The following KCMF1 variants were observed in gnomAD, a reference collection of about 807,000 sequenced individuals.
KCMF1 encodes potassium channel modulatory factor 1.
A neutral mutation model predicts 41.1 loss-of-function variants in KCMF1; 3 were observed. That is an observed-to-expected ratio of 0.07 (90% CI 0.03 to 0.19). The LOEUF (loss-of-function observed/expected upper bound fraction) is 0.19. Ranked by LOEUF, KCMF1 falls within the 10% of genes least tolerant of loss-of-function variation. The pLI, the probability that KCMF1 is intolerant of heterozygous loss-of-function variation, is 1.00. For synonymous variants in KCMF1, 142 were observed against 164.5 expected, an observed-to-expected ratio of 0.86 and a Z score of 1.04; for missense variants, 286 against 488.9, an observed-to-expected ratio of 0.58 and a Z score of 3.91.
intron 1 of KCMF1, among the ~76,000 whole-genome samples, chr2:85,004,727 C>A (rs115590885): frequency 0.019 from 2,933 of 152,176 alleles, 45 homozygotes; most frequent in Non-Finnish European, 0.03. Flanking sequence ...CTTTATATTA[C>A]CGGTCATGCC....
At chr2:85,013,128 G>T (rs1390109923) in intron 1 of KCMF1, among the ~76,000 whole-genome samples, 1 of 152,064 alleles carries the variant, frequency 6.6e-6, no homozygotes, top group Non-Finnish European at 1.5e-5. Flanking sequence ...TGTTTCTGTA[G>T]GTCTCTATCC....
chr2:84,981,694 ACT>A (rs1036224961), intron 1 of KCMF1, among the ~76,000 whole-genome samples: 2 of 151,368 alleles, frequency 1.3e-5, no homozygotes, highest in African/African-American at 2.4e-5. Flanking sequence ...TTCCTTTGAG[ACT>A]CTGTCATCCT....
rs34687477 is a variant in KCMF1 at position 84,982,389 on chromosome 2, C to CTTTTTTTTTTTTTTTT, written c.16+10940_16+10955dup. On this transcript the variant is annotated intron_variant, in intron 1 of 6. Coordinates refer to ENST00000409785, the MANE Select transcript of KCMF1 (RefSeq NM_020122.5). Reference sequence around the variant, plus strand: ...GAGTTACAGATGTGTTCCTTATTTTCTTTTTTTTTTTTTTTTTTTTTTTTT... The same window carrying CTTTTTTTTTTTTTTTT: ...GAGTTACAGATGTGTTCCTTATTTTCTTTTTTTTTTTTTTTTTTTTTTTTTTTTTTTTTTTTTTTTT... Among the ~76,000 whole-genome samples the CTTTTTTTTTTTTTTTT allele has an allele frequency of 5.5e-4, 26 of 47,266 alleles. 5 individuals are homozygous for CTTTTTTTTTTTTTTTT. Among genetic ancestry groups the CTTTTTTTTTTTTTTTT allele is most frequent in the African/African-American group, 2.0e-3 (22 of 11,240 alleles). The allele number at this position is 47,266 out of a possible 152,430, so 31.0% of individuals were successfully genotyped here.
intron 6 of KCMF1, among the ~76,000 whole-genome samples, chr2:85,050,563 T>C (rs935028560): frequency 6.6e-6 from 1 of 152,216 alleles, no homozygotes; most frequent in Non-Finnish European, 1.5e-5. Context: ...AGGCATTTTA[T>C]GTGACTTTTA....
chr2:84,996,884 A>G (rs1349550862), intron 1 of KCMF1, among the ~76,000 whole-genome samples: 1 of 152,222 alleles, frequency 6.6e-6, no homozygotes, highest in Non-Finnish European at 1.5e-5. Flanking sequence ...TGAACATCAT[A>G]GAGTGTACTT....
chr2:85,025,359 A>G (rs1675072299), intron 1 of KCMF1, among the ~76,000 whole-genome samples: 1 of 152,186 alleles, frequency 6.6e-6, no homozygotes, highest in South Asian at 2.1e-4. Flanking sequence ...TTTTTATTGC[A>G]GTAAAATATA....
rs869089697 is a variant in KCMF1, at chr2:84,996,430, AT to A, written c.16+24985del. Among the ~76,000 whole-genome samples, 912 of 124,048 alleles carry A rather than the reference AT, an allele frequency of 7.4e-3. 5 individuals carry two copies. The highest frequency in any genetic ancestry group is 0.021 in the African/African-American group (641 of 30,280). 81.4% of individuals were successfully genotyped at this position (124,048 alleles called of 152,430 possible). A position where few individuals can be genotyped will look rare whatever the true frequency, so the allele number is the denominator to read the frequency against. On this transcript the variant is annotated intron_variant, in intron 1 of 6. Transcript: ENST00000409785. ...ATACTTTATACCTAAATAACCTAAG[AT>A]TTTTTTTTTTTTTTTTTTTTTGAGA...
At chr2:84,983,779 G>A (rs1559125650) in intron 1 of KCMF1, among the ~76,000 whole-genome samples, 1 of 152,034 alleles carries the variant, frequency 6.6e-6, no homozygotes, top group Non-Finnish European at 1.5e-5. Context: ...CCAAAGTGTT[G>A]GGATTACAGG....
rs761926409 is a variant in KCMF1, at chr2:85,028,002, A to G, written c.130A>G (p.Thr44Ala). ...TTGTTATGAAAGTGGTGCAACAACA[A>G]CAAGGCATACAACTGACCACCCAAT... The part of the protein sequence containing the change: ...ASCYESGATT[T>A]RHTTDHPMQC... Residue 44 changes from threonine (T) to alanine (A), a missense_variant, in exon 2 of 7, where the codon ACA (threonine) becomes GCA (alanine). By Grantham distance (58) the Thr-to-Ala change is moderately conservative (BLOSUM62 0). This residue lies in a region of KCMF1 where 95 missense variants were observed against 209.6 expected (regional missense o/e 0.45). Coordinates refer to ENST00000409785, the MANE Select transcript of KCMF1 (RefSeq NM_020122.5). 6.2e-7 allele frequency: 1 copy of G among 1,613,016 alleles called. No individual in the cohort carries two copies. The highest frequency in any genetic ancestry group is 8.5e-7 in the Non-Finnish European group (1 of 1,179,112).
intron 5 of KCMF1, among the ~76,000 whole-genome samples, chr2:85,049,075 G>T (rs1371594061): frequency 2.0e-5 from 3 of 152,164 alleles, no homozygotes; most frequent in Non-Finnish European, 1.5e-5. Context: ...AATACTAAGA[G>T]AAAGCTTCAC....
rs74903468 is a variant in KCMF1 at position 85,057,455 on chromosome 2, G to A, written c.*4046G>A. On this transcript the variant is annotated 3_prime_UTR_variant, in exon 7 of 7. Coordinates refer to ENST00000409785, the MANE Select transcript of KCMF1 (RefSeq NM_020122.5). ...GGAGTGGGTAGAGGTTAGGGTTAGA[G>A]TGCAGGATGGAGCAGCAGTCTGCAG... is the stretch of plus-strand genomic sequence containing the variant. 0.016 allele frequency: 2,373 copies of A among 152,364 alleles called. 29 individuals are homozygous for A. The highest frequency in any genetic ancestry group is 0.064 in the South Asian group (311 of 4,826). 9.4% of individuals were successfully genotyped at this position (152,364 alleles called of 1,614,324 possible). A position where few individuals can be genotyped will look rare whatever the true frequency, so the allele number is the denominator to read the frequency against.
At chr2:84,993,003 G>C (rs971522196) in intron 1 of KCMF1, among the ~76,000 whole-genome samples, 18 of 152,030 alleles carry the variant, frequency 1.2e-4, no homozygotes, top group African/African-American at 4.3e-4. Context: ...AGACTAGCCT[G>C]AACAACTGAC....
rs1330273960 is a variant in KCMF1 at position 84,971,163 on chromosome 2, G to A, written c.-289G>A. On this transcript the variant is annotated 5_prime_UTR_variant, in exon 1 of 7. Coordinates refer to ENST00000409785, the MANE Select transcript of KCMF1 (RefSeq NM_020122.5). ...CCGCGCCGCTGCCGGGAGCCGGCAG[G>A]CCCGAGAGTGACCGGAGTCACGGCG... 1 of 146,244 alleles carries A rather than the reference G, an allele frequency of 6.8e-6. No homozygotes were observed. Among genetic ancestry groups the A allele is most frequent in the South Asian group, 1.8e-4 (1 of 5,534 alleles). 9.1% of individuals were successfully genotyped at this position (146,244 alleles called of 1,614,324 possible). A position where few individuals can be genotyped will look rare whatever the true frequency, so the allele number is the denominator to read the frequency against.
At chr2:84,988,095 G>A (rs981338705) in intron 1 of KCMF1, among the ~76,000 whole-genome samples, 10 of 152,140 alleles carry the variant, frequency 6.6e-5, no homozygotes, top group African/African-American at 2.4e-4. Flanking sequence ...AGGCGGGTGT[G>A]ATGGCGCATG....
Position 85,028,047 on chromosome 2 carries a change from G to A in KCMF1, c.175G>A (p.Val59Ile). 2 of 1,567,398 alleles carry A rather than the reference G, an allele frequency of 1.3e-6. No homozygotes were observed. Among genetic ancestry groups the A allele is most frequent in the Non-Finnish European group, 1.7e-6 (2 of 1,160,006 alleles). The change falls in exon 2 of 7, where the codon GTA becomes ATA. Residue 59 changes from valine to isoleucine, a missense_variant. Around this residue, in one of 2 missense-constraint regions of KCMF1, gnomAD observed 95 missense variants for 209.6 expected, o/e 0.45. Coordinates refer to ENST00000409785, the MANE Select transcript of KCMF1 (RefSeq NM_020122.5). ...CCCAATGCAGTGCATATTAACAAGG[G>A]TAGATTTTGGTAAGTAATTAAAAAT... Reference protein sequence around the residue: ...DHPMQCILTRVDFDLYYGGEA... With the variant: ...DHPMQCILTRIDFDLYYGGEA...
At chr2:85,041,530 T>G (rs1675535410) in intron 3 of KCMF1, among the ~76,000 whole-genome samples, 1 of 152,218 alleles carries the variant, frequency 6.6e-6, no homozygotes, top group Admixed American at 6.5e-5. Context: ...TCAAGTTGTT[T>G]ATAGATTTTA....
chr2:84,996,521 C>T (rs751693136), intron 1 of KCMF1, among the ~76,000 whole-genome samples: 1 of 150,146 alleles, frequency 6.7e-6, no homozygotes, highest in African/African-American at 2.5e-5. Context: ...CTGGAACCTC[C>T]GCCTCCTGGG....
chr2:85,029,320 G>A (rs1216056557), intron 2 of KCMF1, among the ~76,000 whole-genome samples: 3 of 152,064 alleles, frequency 2.0e-5, no homozygotes, highest in East Asian at 3.9e-4. Context: ...GGTGGCTAAC[G>A]CCTGTAATCC....
rs1456269614 is a variant in KCMF1, at chr2:85,057,159, G to A, written c.*3750G>A. Reference sequence around the variant, plus strand: ...GCCGCCATTGCACTCCAGCCCGGGCGACGGTGCAAGACTCTGTCTCAAAAA... The same window carrying A: ...GCCGCCATTGCACTCCAGCCCGGGCAACGGTGCAAGACTCTGTCTCAAAAA... On this transcript the variant is annotated 3_prime_UTR_variant, in exon 7 of 7. Transcript: ENST00000409785. The A allele has an allele frequency of 2.0e-5, 3 of 151,286 alleles. No homozygotes were observed. The highest frequency in any genetic ancestry group is 2.1e-4 in the South Asian group (1 of 4,780). 9.4% of individuals were successfully genotyped at this position (151,286 alleles called of 1,614,324 possible).
Sources: allele counts gnomAD v4.1 joint callset (sites outside exome capture counted in the v4.1 genomes callset), GRCh38; gene constraint gnomAD v4.1.1; regional missense constraint gnomAD v4.1.1; transcripts MANE v1.5; gene names NCBI Gene and HGNC (gene_info 2026-07-23, HGNC 2026-07-21).